Variants in DPYD observed in about 807,000 individuals in gnomAD.
The protein encoded by DPYD is dihydropyrimidine dehydrogenase [NADP(+)].
Under a neutral mutation model 116.2 loss-of-function variants are expected in DPYD, and 109 were observed. The observed-to-expected ratio is 0.94, with a 90% CI of 0.80 to 1.10. The LOEUF is 1.10. Ranked by LOEUF, DPYD falls within the 50% of genes least tolerant of loss-of-function variation. The probability of loss-of-function intolerance (pLI) is 0.00; values close to 1 mark genes in which losing one functional copy is unlikely to be tolerated. For missense variants in DPYD, 1,302 were observed against 1,254.5 expected, an observed-to-expected ratio of 1.04 and a Z score of -0.57; for synonymous variants, 440 against 432.0, an observed-to-expected ratio of 1.02 and a Z score of -0.23.
intron 2 of DPYD, 131 bp from the exon 3 acceptor site, chr1:97,828,327 G>C: frequency 6.8e-6 from 5 of 737,176 alleles, no homozygotes; most frequent in Non-Finnish European, 1.1e-5. Context: ...ACTTTAATTG[G>C]GTAGCATTCA....
At chr1:97,920,783 AC>A (rs1358337556) in intron 1 of DPYD, 100 bp downstream of exon 1, 19 of 1,474,182 alleles carry the variant, frequency 1.3e-5, no homozygotes, top group Non-Finnish European at 1.8e-5. Flanking sequence ...CGCGTCTCTC[AC>A]TCTCCGGGGT....
At chr1:97,448,196 G>A (rs372881585) in intron 14 of DPYD, among the ~76,000 whole-genome samples, 7 of 152,130 alleles carry the variant, frequency 4.6e-5, no homozygotes, top group Admixed American at 2.0e-4. Context: ...TGGCCTGGGC[G>A]GGGGGACCCA....
chr1:97,234,064 A>G (rs1347874519), intron 19 of DPYD, among the ~76,000 whole-genome samples: 2 of 152,128 alleles, frequency 1.3e-5, no homozygotes, highest in African/African-American at 2.4e-5. Context: ...ATTACCATCA[A>G]TGCTAAGTAG....
intron 3 of DPYD, among the ~76,000 whole-genome samples, chr1:97,777,002 G>A (rs1184674761): frequency 7.2e-5 from 11 of 152,000 alleles, no homozygotes; most frequent in South Asian, 2.1e-4. Context: ...CAAACTTTTC[G>A]ACAAAAGTTA....
intron 13 of DPYD, among the ~76,000 whole-genome samples, chr1:97,459,106 T>A (rs368475324): frequency 1.3e-5 from 2 of 152,052 alleles, no homozygotes; most frequent in South Asian, 4.1e-4. Flanking sequence ...AATGTATAAA[T>A]AATGAGAAAC....
At chr1:97,203,861 T>C (rs1250189407) in intron 19 of DPYD, among the ~76,000 whole-genome samples, 1 of 104,408 alleles carries the variant, frequency 9.6e-6, no homozygotes, top group African/African-American at 3.6e-5. Context: ...AACATGAAAA[T>C]AACATCTCAA....
At chr1:97,203,360 A>G (rs1318932244) in intron 19 of DPYD, among the ~76,000 whole-genome samples, 1 of 151,906 alleles carries the variant, frequency 6.6e-6, no homozygotes, top group Non-Finnish European at 1.5e-5. Flanking sequence ...AGCTGGGAAA[A>G]CTTGATTTAT....
intron 3 of DPYD, among the ~76,000 whole-genome samples, chr1:97,794,634 T>C (rs1192868720): frequency 1.3e-5 from 2 of 152,210 alleles, no homozygotes; most frequent in African/African-American, 4.8e-5. Flanking sequence ...CTACCATTGA[T>C]ATCAATCTTG....
intron 18 of DPYD, among the ~76,000 whole-genome samples, chr1:97,247,264 C>A (rs917218160): frequency 1.3e-5 from 2 of 151,980 alleles, no homozygotes; most frequent in African/African-American, 4.8e-5. Context: ...AGCATATGAT[C>A]AAAAAACTAG....
At chr1:97,254,165 T>C (rs761134810) in intron 18 of DPYD, among the ~76,000 whole-genome samples, 14 of 152,152 alleles carry the variant, frequency 9.2e-5, no homozygotes, top group Non-Finnish European at 1.8e-4. Flanking sequence ...TCTACCCAAA[T>C]ATGTTGACTC....
chr1:97,396,732 T>C (rs1673026301), intron 14 of DPYD, among the ~76,000 whole-genome samples: 1 of 152,046 alleles, frequency 6.6e-6, no homozygotes, highest in African/African-American at 2.4e-5. Flanking sequence ...GCCTACCGCA[T>C]GCCACATGTA....
intron 2 of DPYD, among the ~76,000 whole-genome samples, chr1:97,880,771 G>T (rs1235301046): frequency 5.9e-5 from 9 of 151,886 alleles, no homozygotes; most frequent in Non-Finnish European, 1.2e-4. Context: ...GTATGGTTAT[G>T]TGTAAGTGTA....
intron 20 of DPYD, among the ~76,000 whole-genome samples, chr1:97,161,513 C>T (rs1394091223): frequency 6.6e-6 from 1 of 152,058 alleles, no homozygotes; most frequent in Non-Finnish European, 1.5e-5. Flanking sequence ...TTGGAATATA[C>T]AGAGACATTA....
rs978037367 is a variant in DPYD at position 97,082,233 on chromosome 1, T to C, written c.2907+97A>G. ...GCAGAAGAGCAATATTTGGCACCAC[T>C]GGTTTAAATTTCACACATAGCAACA... On this transcript the variant is annotated intron_variant, in intron 22 of 22. Coordinates refer to ENST00000370192, the MANE Select transcript of DPYD (RefSeq NM_000110.4). The C allele has an allele frequency of 2.2e-5, 32 of 1,479,370 alleles. No individual in the cohort carries two copies. In the African/African-American group the frequency reaches 4.0e-4, roughly 19 times the overall value. 91.6% of individuals were successfully genotyped at this position (1,479,370 alleles called of 1,614,324 possible). A position where few individuals can be genotyped will look rare whatever the true frequency, so the allele number is the denominator to read the frequency against.
chr1:97,637,463 C>T (rs1308800003), intron 8 of DPYD, among the ~76,000 whole-genome samples: 1 of 151,646 alleles, frequency 6.6e-6, no homozygotes, highest in African/African-American at 2.4e-5. Flanking sequence ...TATAGACCCC[C>T]CAGACACTGA....
rs1057516968 is a variant in DPYD, at chr1:97,515,785, G to C, written c.1681C>G (p.Arg561Gly). Residue 561 changes from arginine to glycine, a missense_variant, in exon 13 of 23, where the codon CGA becomes GGA. Coordinates refer to ENST00000370192, the MANE Select transcript of DPYD (RefSeq NM_000110.4). ...ATPATSTSMI[R>G]RAFEAGWGFA... ...CCCCATCCAGCTTCAAAAGCTCTTC[G>C]AATCATTGATGTGCTGGTGGCTGGA... 1 of 1,612,850 alleles carries C rather than the reference G, an allele frequency of 6.2e-7. No individual in the cohort carries two copies. Among genetic ancestry groups the C allele is most frequent in the African/African-American group, 1.3e-5 (1 of 74,936 alleles).
chr1:97,537,255 T>A (rs1314236072), intron 12 of DPYD, among the ~76,000 whole-genome samples: 1 of 152,170 alleles, frequency 6.6e-6, no homozygotes, highest in African/African-American at 2.4e-5. Context: ...TCACTTTTTT[T>A]CCCACATCAT....
intron 13 of DPYD, among the ~76,000 whole-genome samples, chr1:97,452,464 G>A (rs545553911): frequency 6.6e-6 from 1 of 152,248 alleles, no homozygotes; most frequent in South Asian, 2.1e-4. Flanking sequence ...CCTGAGGTAT[G>A]AGAACCAAAG....
At chr1:97,085,464 C>A (rs1176378438) in intron 21 of DPYD, among the ~76,000 whole-genome samples, 2 of 152,198 alleles carry the variant, frequency 1.3e-5, no homozygotes, top group African/African-American at 2.4e-5. Flanking sequence ...GTTATTAGCA[C>A]ATGGTGTTAA....
Sources: allele counts gnomAD v4.1 joint callset (sites outside exome capture counted in the v4.1 genomes callset), GRCh38; gene constraint gnomAD v4.1.1; transcripts MANE v1.5; gene names NCBI Gene and HGNC (gene_info 2026-07-23, HGNC 2026-07-21).